STARD10: variants seen among roughly 807,000 people sequenced by gnomAD.
The protein encoded by STARD10 is StAR related lipid transfer domain containing 10.
In STARD10, 24 loss-of-function variants were observed where a neutral mutation model predicts 36.0. The ratio of observed to expected loss-of-function variants is 0.67; its 90% CI spans 0.48 to 0.94. The LOEUF is 0.94. Among genes scored for constraint, STARD10 ranks in the 40% least tolerant of loss-of-function variants. STARD10 has a pLI of 0.00. For missense variants in STARD10, 335 were observed against 396.6 expected (o/e 0.84, Z 1.32); for synonymous variants, 156 against 161.9 (o/e 0.96, Z 0.28).
At chr11:72,788,531 T>C (rs912341971) in intron 1 of STARD10, among the ~76,000 whole-genome samples, 4 of 152,110 alleles carry the variant, frequency 2.6e-5, no homozygotes, top group African/African-American at 7.2e-5. Context: ...ATTTGGGATG[T>C]ACTTATAGTA....
chr11:72,763,210 A>G (rs924213655), intron 2 of STARD10, among the ~76,000 whole-genome samples: 4 of 152,244 alleles, frequency 2.6e-5, no homozygotes, highest in African/African-American at 7.2e-5. Flanking sequence ...ATTAAACTCA[A>G]TAATGACCAT....
intron 4 of STARD10, among the ~76,000 whole-genome samples, chr11:72,758,131 G>C (rs1417842971): frequency 2.6e-5 from 4 of 152,180 alleles, no homozygotes; most frequent in Admixed American, 2.0e-4. Flanking sequence ...GGGCTCATGA[G>C]CACATATGGG....
At position 72,757,783 on chromosome 11, in the gene STARD10, G is replaced by T. The variant is rs1417073721; in HGVS notation, c.561C>A (p.Ala187=). ...GPKSCVITYL[A]QVDPKGSLPK... is the part of the protein sequence containing the mutation. ...AGCCCTCACCTTTGGGGTCCACCTG[G>T]GCCAGGTAGGTGATGACGCAGCTCT... Residue 187 remains alanine, a synonymous_variant, in exon 5 of 7, where the codon GCC becomes GCA. Transcript: ENST00000334805. The T allele has an allele frequency of 6.2e-7, 1 of 1,614,078 alleles. No individual in the cohort carries two copies. Among genetic ancestry groups the T allele is most frequent in the African/African-American group, 1.3e-5 (1 of 75,048 alleles).
intron 5 of STARD10, among the ~76,000 whole-genome samples, chr11:72,757,037 C>T (rs902258109): frequency 7.3e-5 from 11 of 150,380 alleles, no homozygotes; most frequent in East Asian, 5.9e-4. Flanking sequence ...CCCAGTTACT[C>T]GGGAGGCTGG....
At chr11:72,789,719 AG>A (rs1859117668) in intron 1 of STARD10, among the ~76,000 whole-genome samples, 2 of 152,138 alleles carry the variant, frequency 1.3e-5, no homozygotes, top group Non-Finnish European at 2.9e-5. Flanking sequence ...ATGGGGCTGA[AG>A]GCTCTGCCCT....
At chr11:72,777,664 G>T (rs1416338266) in intron 2 of STARD10, among the ~76,000 whole-genome samples, 2 of 152,236 alleles carry the variant, frequency 1.3e-5, no homozygotes, top group African/African-American at 4.8e-5. Context: ...CTGGGGCCAG[G>T]TCAGGCTGGA....
chr11:72,774,226 T>C (rs1393140318), intron 2 of STARD10, among the ~76,000 whole-genome samples: 2 of 152,094 alleles, frequency 1.3e-5, no homozygotes, highest in African/African-American at 2.4e-5. Context: ...TACTTCCCAT[T>C]AGGCAGCAGG....
At chr11:72,776,765 T>C (rs944980844) in intron 2 of STARD10, among the ~76,000 whole-genome samples, 3 of 152,146 alleles carry the variant, frequency 2.0e-5, no homozygotes, top group South Asian at 2.1e-4. Flanking sequence ...GGGAAGGGCC[T>C]TGGAGACCCC....
intron 2 of STARD10, among the ~76,000 whole-genome samples, chr11:72,775,600 G>A (rs999974710): frequency 6.6e-6 from 1 of 152,030 alleles, no homozygotes; most frequent in South Asian, 2.1e-4. Context: ...TTCCTCCTCC[G>A]TGGAGTTCCT....
intron 2 of STARD10, chr11:72,780,616 A>G (rs1336363182): frequency 5.2e-6 from 2 of 381,946 alleles, no homozygotes; most frequent in South Asian, 4.3e-5. Flanking sequence ...TCCCACCTGG[A>G]GTAACTCAAG....
intron 2 of STARD10, among the ~76,000 whole-genome samples, chr11:72,761,664 G>A (rs568629378): frequency 6.6e-6 from 1 of 152,090 alleles, no homozygotes; most frequent in African/African-American, 2.4e-5. Flanking sequence ...AGAATCGCCT[G>A]AATCTGGGAG....
chr11:72,763,324 T>C (rs756793151), intron 2 of STARD10, among the ~76,000 whole-genome samples: 9 of 152,226 alleles, frequency 5.9e-5, no homozygotes, highest in African/African-American at 1.7e-4. Context: ...TTTACATAGT[T>C]TTAAAGTAAC....
Position 72,755,691 on chromosome 11 carries a change from G to C in STARD10, c.630+10C>G, listed in dbSNP as rs1858634748. 6.2e-7 allele frequency: 1 copy of C among 1,613,460 alleles called. No individual in the cohort carries two copies. Among genetic ancestry groups the C allele is most frequent in the South Asian group, 1.1e-5 (1 of 91,074 alleles). Reference sequence around the variant, plus strand: ...TCAACACCCCTCCCCAAAATCCCAAGGCCACTCACCTTGGGAGCCAGGAAC... The same window carrying C: ...TCAACACCCCTCCCCAAAATCCCAACGCCACTCACCTTGGGAGCCAGGAAC... On this transcript the variant is annotated intron_variant, in intron 6 of 6. Coordinates refer to ENST00000334805, the MANE Select transcript of STARD10 (RefSeq NM_006645.3).
chr11:72,784,520 A>C (rs1455498104), intron 1 of STARD10, among the ~76,000 whole-genome samples: 5 of 152,244 alleles, frequency 3.3e-5, no homozygotes, highest in Admixed American at 6.5e-5. Flanking sequence ...GCAGGGAGGA[A>C]TACACTGTCC....
At chr11:72,769,448 G>A (rs1297522303) in intron 2 of STARD10, among the ~76,000 whole-genome samples, 2 of 152,078 alleles carry the variant, frequency 1.3e-5, no homozygotes, top group South Asian at 2.1e-4. Context: ...GGTCCACTGT[G>A]GTGATCACAG....
intron 4 of STARD10, 166 bp from the exon 5 acceptor site, chr11:72,758,050 C>T (rs531983701): frequency 1.5e-6 from 1 of 678,748 alleles, no homozygotes; most frequent in South Asian, 1.7e-5. Flanking sequence ...AGGGAAGAAC[C>T]AGAGTAGGTC....
chr11:72,784,365 T>A (rs1028217794), intron 1 of STARD10, among the ~76,000 whole-genome samples: 2 of 152,262 alleles, frequency 1.3e-5, no homozygotes, highest in African/African-American at 4.8e-5. Flanking sequence ...CAGAAGCCGG[T>A]GACAGGCCTT....
chr11:72,787,627 C>G (rs925112342), intron 1 of STARD10, among the ~76,000 whole-genome samples: 1 of 152,226 alleles, frequency 6.6e-6, no homozygotes, highest in Non-Finnish European at 1.5e-5. Flanking sequence ...GAACTCAGTT[C>G]GATTGCGGGG....
At chr11:72,767,080 G>T (rs1022485809) in intron 2 of STARD10, among the ~76,000 whole-genome samples, 2 of 152,220 alleles carry the variant, frequency 1.3e-5, no homozygotes, top group Non-Finnish European at 1.5e-5. Context: ...TGTGATGAGA[G>T]TAACTGTTAA....
Sources: gnomAD v4.1 joint callset for allele counts (sites outside exome capture counted in the v4.1 genomes callset) on GRCh38, gnomAD v4.1.1 for gene constraint, MANE v1.5 for transcripts, NCBI Gene and HGNC (gene_info 2026-07-23, HGNC 2026-07-21) for gene names.